Variants in GSK3A observed in about 807,000 individuals in gnomAD.
The protein encoded by GSK3A is glycogen synthase kinase 3 alpha, also known as glycogen synthase kinase-3 alpha.
GSK3A carries 14 observed loss-of-function variants against 56.6 expected under a neutral mutation model. The observed-to-expected ratio is 0.25, with a 90% CI of 0.16 to 0.39. The LOEUF is 0.39. GSK3A is among the 10% of genes least tolerant of loss of function. GSK3A has a pLI of 1.00. For synonymous variants in GSK3A, 301 were observed against 285.0 expected (o/e 1.06, Z -0.56); for missense variants, 450 against 656.0 (o/e 0.69, Z 3.43).
In GSK3A at chr19:42,240,616, T is replaced by G. The variant is rs555659294; in HGVS notation, c.284-474A>C. The G allele has an allele frequency of 1.9e-4, 36 of 192,326 alleles. No individual in the cohort carries two copies. The South Asian group carries it at 4.5e-3, about 24-fold the overall frequency. 11.9% of individuals were successfully genotyped at this position (192,326 alleles called of 1,614,324 possible). A position where few individuals can be genotyped will look rare whatever the true frequency, so the allele number is the denominator to read the frequency against. On this transcript the variant is annotated intron_variant, in intron 1 of 10. Coordinates refer to ENST00000222330, the MANE Select transcript of GSK3A (RefSeq NM_019884.3). Reference sequence around the variant, plus strand: ...ACCTCTCTCACAGCCTAGAGGATACTGACCTCTAAGTCCTCCCCTGTAGAG... The same window carrying G: ...ACCTCTCTCACAGCCTAGAGGATACGGACCTCTAAGTCCTCCCCTGTAGAG...
intron 4 of GSK3A, among the ~76,000 whole-genome samples, chr19:42,236,187 T>A (rs2036255818): frequency 6.6e-6 from 1 of 152,164 alleles, no homozygotes; most frequent in Non-Finnish European, 1.5e-5. Context: ...CTGTGGATGC[T>A]AACCTTCCTC....
rs1053690317 is a variant in GSK3A at position 42,234,896 on chromosome 19, C to T, written c.667-218G>A. Among the ~76,000 whole-genome samples the T allele has an allele frequency of 4.6e-5, 7 of 152,196 alleles. 1 individual carries two copies. In the South Asian group the frequency reaches 1.0e-3, roughly 23 times the overall value. ...ACTACTGGCTGGGCGTGGCGGGTCA[C>T]GCCTGTAATCCCGGTATTTTGGGAG... On this transcript the variant is annotated intron_variant, in intron 4 of 10. Transcript: ENST00000222330. This position sits in a 1 kb window ranked among gnomAD's most constrained non-coding sequence, Gnocchi z 5.7.
At chr19:42,233,462 T>G in intron 6 of GSK3A, 79 bp from the exon 7 acceptor site, 12 of 909,672 alleles carry the variant, frequency 1.3e-5, no homozygotes, top group Non-Finnish European at 2.0e-5. Context: ...CTCATGGCCA[T>G]CCTAAGAGTG....
chr19:42,242,182 C>T lies in GSK3A; in HGVS notation c.283+1G>A. On this transcript the variant is annotated splice_donor_variant, in intron 1 of 10. Coordinates refer to ENST00000222330, the MANE Select transcript of GSK3A (RefSeq NM_019884.3). LOFTEE classifies it high-confidence loss of function. ...CCTACACGGGCGCCACTAGTACTCA[C>T]GGCCCAGCTTCACCCCGGGCGGCGG... 1 of 1,406,746 alleles carries T rather than the reference C, an allele frequency of 7.1e-7. No individual in the cohort carries two copies. Among genetic ancestry groups the T allele is most frequent in the Non-Finnish European group, 9.2e-7 (1 of 1,083,856 alleles). 87.1% of individuals were successfully genotyped at this position (1,406,746 alleles called of 1,614,324 possible).
intron 2 of GSK3A, among the ~76,000 whole-genome samples, chr19:42,237,544 G>T (rs145792518): frequency 1.3e-5 from 2 of 151,684 alleles, no homozygotes; most frequent in East Asian, 3.9e-4. Context: ...AAAGCCAAAT[G>T]GCACCTTCTG....
chr19:42,231,097 C>CA (rs1476852812), intron 10 of GSK3A, among the ~76,000 whole-genome samples: 2 of 152,222 alleles, frequency 1.3e-5, no homozygotes, highest in African/African-American at 4.8e-5. Context: ...CACAGTGGCT[C>CA]ACGCCTGTAA....
chr19:42,233,496 A>T, intron 6 of GSK3A, 113 bp from the exon 7 acceptor site: 1 of 709,218 alleles, frequency 1.4e-6, no homozygotes. Flanking sequence ...TTTCTCAAAG[A>T]CAAAGCACCT....
At chr19:42,232,377 C>CT in intron 9 of GSK3A, 119 bp downstream of exon 9, 1 of 912,222 alleles carries the variant, frequency 1.1e-6, no homozygotes, top group Non-Finnish European at 1.7e-6. Flanking sequence ...TCCTGAGCCC[C>CT]AGGCCTGCCT....
At chr19:42,238,253 A>G (rs1046125946) in intron 2 of GSK3A, among the ~76,000 whole-genome samples, 4 of 151,906 alleles carry the variant, frequency 2.6e-5, no homozygotes, top group Admixed American at 2.0e-4. Flanking sequence ...ACTCAGGTGG[A>G]TGAGGTACAA....
At position 42,242,415 on chromosome 19, in the gene GSK3A, C is replaced by T; in HGVS notation, c.51G>A (p.Ala17=). ...CGGGCTCCGCGAACGAGCTAGTCCG[C>T]GCCCTGCCCGAGCCCCCAGGGCCGC... is the stretch of plus-strand genomic sequence containing the variant. ...SGGGPGGSGR[A]RTSSFAEPGG... The change falls in exon 1 of 11, where the codon GCG becomes GCA. Residue 17 remains alanine, a synonymous_variant. Transcript: ENST00000222330. 1.5e-6 allele frequency: 2 copies of T among 1,359,758 alleles called. No individual in the cohort carries two copies. The highest frequency in any genetic ancestry group is 1.9e-6 in the Non-Finnish European group (2 of 1,055,588). 84.2% of individuals were successfully genotyped at this position (1,359,758 alleles called of 1,614,324 possible).
At chr19:42,240,211 T>A (rs1377406830) in intron 1 of GSK3A, 69 bp from the exon 2 acceptor site, 2 of 1,422,868 alleles carry the variant, frequency 1.4e-6, no homozygotes, top group Admixed American at 1.7e-5. Flanking sequence ...CCTGGGGCTG[T>A]GGGAGGAAGG....
intron 4 of GSK3A, 136 bp downstream of exon 4, chr19:42,236,469 TG>T: frequency 1.5e-6 from 1 of 673,806 alleles, no homozygotes. Context: ...CGGGGGGTTA[TG>T]GGAACAACAG....
chr19:42,233,561 G>C (rs557419979), intron 6 of GSK3A, among the ~76,000 whole-genome samples, 178 bp from the exon 7 acceptor site: 1 of 152,176 alleles, frequency 6.6e-6, no homozygotes, highest in East Asian at 1.9e-4. Context: ...CCCTGCCTTT[G>C]CTGTACTCTC....
intron 4 of GSK3A, among the ~76,000 whole-genome samples, chr19:42,236,159 G>A (rs909555713): frequency 3.9e-5 from 6 of 152,194 alleles, no homozygotes; most frequent in African/African-American, 9.7e-5. Flanking sequence ...GATGATGGAC[G>A]GAGATGCATT....
intron 8 of GSK3A, 100 bp downstream of exon 8, chr19:42,233,010 C>T: frequency 1.3e-6 from 1 of 766,542 alleles, no homozygotes; most frequent in Non-Finnish European, 2.2e-6. Flanking sequence ...TCTTCAAATC[C>T]TCCCAAGCCG....
intron 10 of GSK3A, 58 bp from the exon 11 acceptor site, chr19:42,230,925 C>T (rs1356128410): frequency 1.8e-6 from 2 of 1,126,848 alleles, no homozygotes; most frequent in South Asian, 1.3e-5. Context: ...ACCCCTTCGC[C>T]CAACCCAAAA....
chr19:42,239,508 C>A lies in GSK3A; in HGVS notation c.471+447G>T, dbSNP rs373829669. 9.3e-4 allele frequency among the ~76,000 whole-genome samples: 142 copies of A among 152,240 alleles called. 7 individuals carry two copies. In the South Asian group the frequency reaches 0.028, roughly 30 times the overall value. ...GAAGAGCGCGACCTTCAGAACCACCCGCGCTAGCCCTGCCAGGTCCCTTTC... is the reference window on the plus strand; with the variant it reads ...GAAGAGCGCGACCTTCAGAACCACCAGCGCTAGCCCTGCCAGGTCCCTTTC... On this transcript the variant is annotated intron_variant, in intron 2 of 10. Coordinates refer to ENST00000222330, the MANE Select transcript of GSK3A (RefSeq NM_019884.3).
Position 42,232,598 on chromosome 19 carries a change from G to A in GSK3A, c.1183C>T (p.Leu395=), listed in dbSNP as rs751994047. Residue 395 remains leucine, a synonymous_variant, in exon 9 of 11, where the codon CTA becomes TTA. Transcript: ENST00000222330. ...AAGAAGCTGTGCGCACAGGCCTCTA[G>A]TGGGGAGAGCCTTGAGGATGGGGTG... ...EYTPSSRLSP[L]EACAHSFFDE... 1.6e-5 allele frequency: 26 copies of A among 1,614,086 alleles called. 1 individual carries two copies. In the South Asian group the frequency reaches 2.9e-4, roughly 18 times the overall value.
In GSK3A at chr19:42,234,986, GC is replaced by G. The variant is rs2036247507; in HGVS notation, c.667-309del. Among the ~76,000 whole-genome samples, 2 of 152,154 alleles carry G rather than the reference GC, an allele frequency of 1.3e-5. No individual in the cohort carries two copies. The highest frequency in any genetic ancestry group is 4.1e-4 in the South Asian group (2 of 4,824). On this transcript the variant is annotated intron_variant, in intron 4 of 10. Transcript: ENST00000222330. The surrounding 1 kb of genome is among the most constrained non-coding windows in gnomAD (Gnocchi z 5.7). ...TACTAAAAATACAAAAATTAGCCGG[GC>G]GTGGTGGTGCACACCTGTAATCCCA...
Sources: gnomAD v4.1 joint callset for allele counts (sites outside exome capture counted in the v4.1 genomes callset) on GRCh38, gnomAD v4.1.1 for gene constraint, Gnocchi (gnomAD v3.1) non-coding constraint, MANE v1.5 for transcripts, NCBI Gene and HGNC (gene_info 2026-07-23, HGNC 2026-07-21) for gene names.